The following CSMD1 variants were observed in gnomAD, a reference collection of about 807,000 sequenced individuals.
CSMD1 encodes the protein CUB and Sushi multiple domains 1.
A neutral mutation model predicts 417.5 loss-of-function variants in CSMD1; 213 were observed. The observed-to-expected ratio is 0.51, with a 90% CI of 0.46 to 0.57. The LOEUF (loss-of-function observed/expected upper bound fraction) is 0.57. Ranked by LOEUF, CSMD1 falls within the 20% of genes least tolerant of loss-of-function variation. The probability of loss-of-function intolerance (pLI) is 0.00; values close to 1 mark genes in which losing one functional copy is unlikely to be tolerated. For synonymous variants in CSMD1, 2,862 were observed against 1,736.8 expected (o/e 1.65, Z -16.11); for missense variants, 6,923 against 4,529.7 (o/e 1.53, Z -15.17).
chr8:3,306,126 C>A (rs2117375103), intron 25 of CSMD1, among the ~76,000 whole-genome samples: 1 of 152,226 alleles, frequency 6.6e-6, no homozygotes, highest in Admixed American at 6.5e-5. Flanking sequence ...TTCCTCACTC[C>A]ACTTCATCCC....
intron 3 of CSMD1, 104 bp downstream of exon 3, chr8:4,419,849 C>A: frequency 2.6e-6 from 2 of 777,056 alleles, no homozygotes; most frequent in South Asian, 1.6e-5. Flanking sequence ...CACCACGGAA[C>A]GACCTGCGAC....
In CSMD1 at chr8:4,355,216, C is replaced by G. The variant is rs942952196; in HGVS notation, c.415+64737G>C. Reference sequence around the variant, plus strand: ...GGCGGAGCTTGCAATGATCCGAGATCGCGCCACTGCACTCCAGCCTGGGTA... The same window carrying G: ...GGCGGAGCTTGCAATGATCCGAGATGGCGCCACTGCACTCCAGCCTGGGTA... On this transcript the variant is annotated intron_variant, in intron 3 of 69. Transcript: ENST00000635120. Among the ~76,000 whole-genome samples, 7 of 151,778 alleles carry G rather than the reference C, an allele frequency of 4.6e-5. No homozygotes were observed. In the East Asian group the frequency reaches 9.7e-4, roughly 21 times the overall value.
intron 1 of CSMD1, among the ~76,000 whole-genome samples, chr8:4,709,452 G>A (rs948687220): frequency 6.6e-6 from 1 of 152,168 alleles, no homozygotes; most frequent in African/African-American, 2.4e-5. Context: ...AGGAAATAGA[G>A]GGACTCTGTC....
At chr8:3,631,627 G>A (rs1291883208) in intron 7 of CSMD1, among the ~76,000 whole-genome samples, 2 of 152,210 alleles carry the variant, frequency 1.3e-5, no homozygotes, top group Admixed American at 6.5e-5. Flanking sequence ...TTGCAACACT[G>A]AAGATCACTG....
chr8:4,069,265 A>T (rs1179221937), intron 3 of CSMD1, among the ~76,000 whole-genome samples: 2 of 152,162 alleles, frequency 1.3e-5, no homozygotes, highest in African/African-American at 4.8e-5. Flanking sequence ...GATTACTGTG[A>T]ATTCTTTGTC....
rs143987797 is a variant in CSMD1, at chr8:4,746,952, C to G, written c.86-109394G>C. Among the ~76,000 whole-genome samples the G allele has an allele frequency of 2.2e-3, 337 of 152,212 alleles. 3 individuals are homozygous for G. Among genetic ancestry groups the G allele is most frequent in the African/African-American group, 7.8e-3 (325 of 41,532 alleles). On this transcript the variant is annotated intron_variant, in intron 1 of 69. Transcript: ENST00000635120. The stretch of plus-strand genomic sequence containing the variant: ...GAATCTGATGATTCAAATGCCATCC[C>G]AAATTAGAGAGAGGGAAGAACAGGA...
chr8:4,066,381 G>A (rs562281190), intron 3 of CSMD1, among the ~76,000 whole-genome samples: 6 of 152,130 alleles, frequency 3.9e-5, no homozygotes, highest in Admixed American at 1.3e-4. Flanking sequence ...ACTCAGCGCA[G>A]GGATGTTTGG....
intron 2 of CSMD1, among the ~76,000 whole-genome samples, chr8:4,541,359 T>C (rs1383673163): frequency 6.6e-6 from 1 of 152,210 alleles, no homozygotes; most frequent in Non-Finnish European, 1.5e-5. Flanking sequence ...AAGATTTTAA[T>C]GTGTTAAAGT....
intron 23 of CSMD1, among the ~76,000 whole-genome samples, chr8:3,319,578 C>T (rs139191474): frequency 1.4e-4 from 22 of 152,204 alleles, no homozygotes; most frequent in East Asian, 3.9e-4. Context: ...CAAACACTTC[C>T]GCACACATTC....
intron 1 of CSMD1, among the ~76,000 whole-genome samples, chr8:4,869,824 C>T (rs1372008799): frequency 2.0e-5 from 3 of 151,888 alleles, no homozygotes; most frequent in Non-Finnish European, 4.4e-5. Flanking sequence ...TATGGCTGGT[C>T]TTTAATTTAT....
intron 6 of CSMD1, among the ~76,000 whole-genome samples, chr8:3,720,908 C>T (rs1035175421): frequency 6.6e-6 from 1 of 152,054 alleles, no homozygotes; most frequent in Non-Finnish European, 1.5e-5. Context: ...CTCCGCTTCC[C>T]GGGTTCAAGT....
At chr8:3,881,442 C>G (rs1806196000) in intron 5 of CSMD1, among the ~76,000 whole-genome samples, 1 of 151,466 alleles carries the variant, frequency 6.6e-6, no homozygotes, top group Non-Finnish European at 1.5e-5. Context: ...AAAGACCAGC[C>G]TGGTCAAGAT....
chr8:3,883,883 A>G (rs1194306010), intron 5 of CSMD1, among the ~76,000 whole-genome samples: 1 of 152,148 alleles, frequency 6.6e-6, no homozygotes, highest in Non-Finnish European at 1.5e-5. Flanking sequence ...GGTTTTTCAT[A>G]TGTGTATTTA....
intron 5 of CSMD1, among the ~76,000 whole-genome samples, chr8:3,811,385 T>A (rs1801065378): frequency 6.6e-6 from 1 of 152,226 alleles, no homozygotes; most frequent in Non-Finnish European, 1.5e-5. Flanking sequence ...TCTTACTTGT[T>A]CTGATCTATA....
At chr8:3,142,157 T>A (rs992592836) in intron 41 of CSMD1, among the ~76,000 whole-genome samples, 4 of 152,158 alleles carry the variant, frequency 2.6e-5, no homozygotes, top group African/African-American at 9.7e-5. Flanking sequence ...TGAGTCACAA[T>A]AAAACTCCGG....
intron 2 of CSMD1, among the ~76,000 whole-genome samples, chr8:4,450,180 G>C (rs371307887): frequency 3.3e-5 from 5 of 152,238 alleles, no homozygotes; most frequent in African/African-American, 1.2e-4. Context: ...GAGTAAAACC[G>C]AACTGGGCAA....
intron 1 of CSMD1, among the ~76,000 whole-genome samples, chr8:4,698,948 C>T (rs1442245736): frequency 1.3e-5 from 2 of 150,490 alleles, no homozygotes; most frequent in African/African-American, 4.9e-5. Context: ...ACACCAATTT[C>T]ACCGTCGAAC....
At chr8:3,311,525 T>A (rs1232054419) in intron 23 of CSMD1, among the ~76,000 whole-genome samples, 1 of 152,216 alleles carries the variant, frequency 6.6e-6, no homozygotes, top group Non-Finnish European at 1.5e-5. Flanking sequence ...GCTGGAATTA[T>A]AAGCATGAGT....
At chr8:4,397,941 G>C (rs1409161422) in intron 3 of CSMD1, among the ~76,000 whole-genome samples, 1 of 151,952 alleles carries the variant, frequency 6.6e-6, no homozygotes, top group Non-Finnish European at 1.5e-5. Context: ...TCTAGAGTAG[G>C]AAAAAATGGG....
Sources: allele counts gnomAD v4.1 joint callset (sites outside exome capture counted in the v4.1 genomes callset), GRCh38; gene constraint gnomAD v4.1.1; transcripts MANE v1.5; gene names NCBI Gene and HGNC (gene_info 2026-07-23, HGNC 2026-07-21).